Variants in HIP1 observed in about 807,000 individuals in gnomAD.
HIP1 encodes the protein huntingtin interacting protein 1, also known as huntingtin-interacting protein 1.
A neutral mutation model predicts 147.6 loss-of-function variants in HIP1; 65 were observed. The observed-to-expected ratio is 0.44, with a 90% CI of 0.36 to 0.54. The LOEUF (loss-of-function observed/expected upper bound fraction) is 0.54, where lower values mean the gene tolerates loss of function less well. HIP1 is among the 20% of genes least tolerant of loss of function. The pLI, the probability that HIP1 is intolerant of heterozygous loss-of-function variation, is 0.00. For synonymous variants in HIP1, 479 were observed against 504.0 expected (o/e 0.95, Z 0.67); for missense variants, 1,061 against 1,299.6 (o/e 0.82, Z 2.82).
At position 75,535,027 on chromosome 7, in the gene HIP1, A is replaced by C. The variant is rs1172272514; in HGVS notation, c.*3145T>G. ...TCATCTTCATTTTTAGAAGAGTCAC[A>C]ATAGGACAATTTGATTTTGTCTAGA... is the stretch of plus-strand genomic sequence containing the variant. On this transcript the variant is annotated 3_prime_UTR_variant, in exon 31 of 31. Coordinates refer to ENST00000336926, the MANE Select transcript of HIP1 (RefSeq NM_005338.7). 1.5e-4 allele frequency: 31 copies of C among 209,260 alleles called. No homozygotes were observed. Among genetic ancestry groups the C allele is most frequent in the East Asian group, 1.1e-3 (16 of 13,954 alleles). 13.0% of individuals were successfully genotyped at this position (209,260 alleles called of 1,614,324 possible). A position where few individuals can be genotyped will look rare whatever the true frequency, so the allele number is the denominator to read the frequency against.
intron 1 of HIP1, among the ~76,000 whole-genome samples, chr7:75,640,843 A>G (rs1798629401): frequency 6.6e-6 from 1 of 152,004 alleles, no homozygotes; most frequent in African/African-American, 2.4e-5. Flanking sequence ...CTGCACCCAC[A>G]TGAAGGGACC....
chr7:75,726,376 C>T (rs782503821), intron 1 of HIP1, among the ~76,000 whole-genome samples: 1 of 151,980 alleles, frequency 6.6e-6, no homozygotes, highest in Non-Finnish European at 1.5e-5. Context: ...CTCTGCCTCC[C>T]GGGTTCAAGC....
At chr7:75,645,810 G>T (rs1258038191) in intron 1 of HIP1, among the ~76,000 whole-genome samples, 1 of 152,154 alleles carries the variant, frequency 6.6e-6, no homozygotes, top group Non-Finnish European at 1.5e-5. Context: ...GCAGCTGAAG[G>T]CCATTATCCT....
In HIP1 at chr7:75,556,113, C is replaced by T. The variant is rs144554017; in HGVS notation, c.1740G>A (p.Leu580=). The stretch of plus-strand genomic sequence containing the variant: ...CCTCCCTATGAGCTGCGCCACTCAC[C>T]AGGCTGTCCCGCTCCTTCTCTAGCT... ...FAELEKERDS[L]VSGAAHREEE... is the part of the protein sequence containing the mutation. The change falls in exon 18 of 31, where the codon CTG becomes CTA. Residue 580 remains leucine, a synonymous_variant. Transcript: ENST00000336926. The T allele has an allele frequency of 1.2e-6, 2 of 1,614,182 alleles. No individual in the cohort carries two copies. Among genetic ancestry groups the T allele is most frequent in the Non-Finnish European group, 1.7e-6 (2 of 1,180,030 alleles).
chr7:75,644,636 T>C (rs946271675), intron 1 of HIP1, among the ~76,000 whole-genome samples: 1 of 152,110 alleles, frequency 6.6e-6, no homozygotes, highest in Non-Finnish European at 1.5e-5. Flanking sequence ...AAAAAAAGAA[T>C]AAAAAGCCAG....
At chr7:75,676,090 C>G (rs1054540132) in intron 1 of HIP1, among the ~76,000 whole-genome samples, 1 of 152,166 alleles carries the variant, frequency 6.6e-6, no homozygotes, top group Non-Finnish European at 1.5e-5. Context: ...CTGCTCCCCC[C>G]TCTGTAGGGT....
Position 75,534,871 on chromosome 7 carries a change from T to G in HIP1, c.*3301A>C, listed in dbSNP as rs943506444. On this transcript the variant is annotated 3_prime_UTR_variant, in exon 31 of 31. Transcript: ENST00000336926. ...ATTTTGTTGCTGTCCCATCTTGTCA[T>G]GACCCATTTACGCTCACCCGAGACT... 1.4e-5 allele frequency: 3 copies of G among 207,202 alleles called. No individual in the cohort carries two copies. Among genetic ancestry groups the G allele is most frequent in the Non-Finnish European group, 2.0e-5 (2 of 101,530 alleles). The allele number at this position is 207,202 out of a possible 1,614,324, so 12.8% of individuals were successfully genotyped here.
chr7:75,652,216 C>T (rs1353199761), intron 1 of HIP1, among the ~76,000 whole-genome samples: 11 of 149,214 alleles, frequency 7.4e-5, no homozygotes, highest in African/African-American at 2.5e-4. Flanking sequence ...ACTCGGGAGG[C>T]TGAGGCAGGA....
intron 1 of HIP1, among the ~76,000 whole-genome samples, chr7:75,691,086 G>A (rs535895806): frequency 2.6e-5 from 4 of 152,276 alleles, no homozygotes; most frequent in South Asian, 2.1e-4. Context: ...CAGCCATTAC[G>A]GGAATGGAGT....
rs1175241618 is a variant in HIP1, at chr7:75,583,579, C to T, written c.466-1428G>A. Among the ~76,000 whole-genome samples, 4 of 151,862 alleles carry T rather than the reference C, an allele frequency of 2.6e-5. No individual in the cohort carries two copies. In the East Asian group the frequency reaches 5.8e-4, roughly 22 times the overall value. On this transcript the variant is annotated intron_variant, in intron 5 of 30. Transcript: ENST00000336926. ...GGCAGAGGAGGGGGAAACCAGCTCT[C>T]TCTTGTTTCTCTCTCTTTTTTTATT...
chr7:75,701,647 T>C (rs1800837249), intron 1 of HIP1, among the ~76,000 whole-genome samples: 1 of 151,750 alleles, frequency 6.6e-6, no homozygotes, highest in Non-Finnish European at 1.5e-5. Context: ...GCCAGGAGTT[T>C]GAGATCAGAC....
intron 1 of HIP1, among the ~76,000 whole-genome samples, chr7:75,640,152 AG>A (rs1798601134): frequency 1.3e-5 from 2 of 152,222 alleles, no homozygotes; most frequent in African/African-American, 4.8e-5. Flanking sequence ...CTCCGGAAAA[AG>A]CCTGGCCATT....
At position 75,637,892 on chromosome 7, in the gene HIP1, C is replaced by A. The variant is rs868996486; in HGVS notation, c.121-38645G>T. 2.6e-5 allele frequency among the ~76,000 whole-genome samples: 4 copies of A among 151,358 alleles called. No individual in the cohort carries two copies. In the South Asian group the frequency reaches 8.3e-4, roughly 32 times the overall value. ...CTCCCTTGGTTGCCTCGAAAGGGCACCCTCTGGGGAAAAGTAATATAATTC... is the reference window on the plus strand; with the variant it reads ...CTCCCTTGGTTGCCTCGAAAGGGCAACCTCTGGGGAAAAGTAATATAATTC... On this transcript the variant is annotated intron_variant, in intron 1 of 30. Coordinates refer to ENST00000336926, the MANE Select transcript of HIP1 (RefSeq NM_005338.7).
intron 1 of HIP1, among the ~76,000 whole-genome samples, chr7:75,727,622 G>A (rs111649808): frequency 2.1e-4 from 32 of 152,090 alleles, no homozygotes; most frequent in African/African-American, 7.2e-4. Flanking sequence ...CAGGCGGGTG[G>A]ATCACCTGAG....
At chr7:75,542,119 A>G (rs11773745) in intron 28 of HIP1, 139 bp from the exon 29 acceptor site, 499,492 of 710,812 alleles carry the variant, frequency 0.7, 179,870 homozygotes, top group African/African-American at 0.82. Context: ...TGAGGGGGCC[A>G]GACAACGGTG....
At chr7:75,723,828 CCTCCTGTT>C in intron 1 of HIP1, among the ~76,000 whole-genome samples, 1 of 152,194 alleles carries the variant, frequency 6.6e-6, no homozygotes, top group East Asian at 1.9e-4. Flanking sequence ...ATGTAGAAGG[CCTCCTGTT>C]CTGAAGGTCC....
chr7:75,608,809 A>T (rs1756290273), intron 1 of HIP1, among the ~76,000 whole-genome samples: 1 of 152,180 alleles, frequency 6.6e-6, no homozygotes, highest in Admixed American at 6.5e-5. Context: ...GATGACTTCT[A>T]GGTCTCTTCC....
intron 1 of HIP1, among the ~76,000 whole-genome samples, chr7:75,659,201 G>A (rs1799228849): frequency 6.6e-6 from 1 of 152,288 alleles, no homozygotes; most frequent in African/African-American, 2.4e-5. Context: ...AAAAATGTTT[G>A]GCCTTGGGCT....
At chr7:75,657,477 C>G (rs10046533) in intron 1 of HIP1, among the ~76,000 whole-genome samples, 17,267 of 149,746 alleles carry the variant, frequency 0.12, 2,354 homozygotes, top group African/African-American at 0.32. Flanking sequence ...TTGCAGTGAG[C>G]CGAGATCCCG....
Sources: allele counts gnomAD v4.1 joint callset (sites outside exome capture counted in the v4.1 genomes callset), GRCh38; gene constraint gnomAD v4.1.1; transcripts MANE v1.5; gene names NCBI Gene and HGNC (gene_info 2026-07-23, HGNC 2026-07-21).